The following NKAIN3 variants were observed in gnomAD, a reference collection of about 807,000 sequenced individuals.
The protein encoded by NKAIN3 is sodium/potassium transporting ATPase interacting 3, also known as sodium/potassium-transporting ATPase subunit beta-1-interacting protein 3.
Under a neutral mutation model 30.2 loss-of-function variants are expected in NKAIN3, and 25 were observed. The ratio of observed to expected loss-of-function variants is 0.83; its 90% CI spans 0.60 to 1.16. The LOEUF (loss-of-function observed/expected upper bound fraction) is 1.16. NKAIN3 is among the 50% of genes most tolerant of loss of function. NKAIN3 has a pLI of 0.00. For synonymous variants in NKAIN3, 91 were observed against 89.6 expected, an observed-to-expected ratio of 1.02 and a Z score of -0.09; for missense variants, 225 against 254.1, an observed-to-expected ratio of 0.89 and a Z score of 0.78.
chr8:62,321,275 C>G (rs891206611), intron 1 of NKAIN3, among the ~76,000 whole-genome samples: 11 of 152,152 alleles, frequency 7.2e-5, no homozygotes, highest in Non-Finnish European at 1.5e-4. Flanking sequence ...GCCATGGGTT[C>G]GAACTTCCTC....
chr8:62,448,136 C>A (rs1805540161), intron 1 of NKAIN3, among the ~76,000 whole-genome samples: 1 of 151,872 alleles, frequency 6.6e-6, no homozygotes. Flanking sequence ...ACTCTCTTTG[C>A]TCTGACATAT....
intron 3 of NKAIN3, among the ~76,000 whole-genome samples, chr8:62,625,244 A>G (rs1476034425): frequency 6.6e-6 from 1 of 152,126 alleles, no homozygotes; most frequent in Admixed American, 6.6e-5. Context: ...GCAGGGAAAG[A>G]TAATCATAGC....
chr8:62,693,170 G>T (rs1253725170), intron 3 of NKAIN3, among the ~76,000 whole-genome samples: 2 of 152,158 alleles, frequency 1.3e-5, no homozygotes, highest in African/African-American at 2.4e-5. Flanking sequence ...GCTTCAAATT[G>T]TGTAGGAAGG....
intron 1 of NKAIN3, among the ~76,000 whole-genome samples, chr8:62,373,949 C>T (rs908947239): frequency 6.6e-6 from 1 of 151,568 alleles, no homozygotes; most frequent in African/African-American, 2.4e-5. Context: ...CCCGTCTCTA[C>T]TAAAATACAA....
chr8:62,836,103 G>T (rs1182012078), intron 4 of NKAIN3, among the ~76,000 whole-genome samples: 1 of 151,922 alleles, frequency 6.6e-6, no homozygotes, highest in African/African-American at 2.4e-5. Flanking sequence ...ACCAAATATT[G>T]CATGTTCTCA....
chr8:62,787,712 A>C (rs909318055), intron 4 of NKAIN3, among the ~76,000 whole-genome samples: 1 of 151,898 alleles, frequency 6.6e-6, no homozygotes, highest in African/African-American at 2.4e-5. Context: ...CCGGTGTGTG[A>C]TGTTCCCCTT....
chr8:62,478,224 G>T (rs1291452573), intron 1 of NKAIN3, among the ~76,000 whole-genome samples: 3 of 152,136 alleles, frequency 2.0e-5, no homozygotes, highest in Admixed American at 6.5e-5. Context: ...TAATCAACTG[G>T]TAACTAGTAG....
chr8:62,889,010 A>C (rs1453359267), intron 4 of NKAIN3, among the ~76,000 whole-genome samples: 1 of 152,238 alleles, frequency 6.6e-6, no homozygotes, highest in Non-Finnish European at 1.5e-5. Flanking sequence ...GTGTGTCAGC[A>C]ATGGACTAGA....
At chr8:62,700,700 T>C (rs963996819) in intron 3 of NKAIN3, among the ~76,000 whole-genome samples, 1 of 152,230 alleles carries the variant, frequency 6.6e-6, no homozygotes, top group African/African-American at 2.4e-5. Context: ...ATTTACTCAG[T>C]TAAAAAAAGA....
chr8:62,388,603 A>T (rs1461437343), intron 1 of NKAIN3, among the ~76,000 whole-genome samples: 1 of 152,234 alleles, frequency 6.6e-6, no homozygotes, highest in Non-Finnish European at 1.5e-5. Flanking sequence ...GCTACTTTAG[A>T]CACTTGACAA....
chr8:62,637,588 G>A (rs1233623486), intron 3 of NKAIN3, among the ~76,000 whole-genome samples: 2 of 152,176 alleles, frequency 1.3e-5, no homozygotes, highest in Non-Finnish European at 2.9e-5. Context: ...TATTAGACGA[G>A]CCTAAATGGA....
intron 5 of NKAIN3, chr8:62,999,114 T>C (rs1804192818): frequency 1.3e-5 from 2 of 152,238 alleles, no homozygotes; most frequent in African/African-American, 4.8e-5. Context: ...TTTTGAATAG[T>C]AATCCCTTAT....
intron 1 of NKAIN3, among the ~76,000 whole-genome samples, chr8:62,266,139 A>G (rs913802317): frequency 6.6e-6 from 1 of 152,130 alleles, no homozygotes; most frequent in Admixed American, 6.6e-5. Context: ...ATAAGGGGAC[A>G]CCAAGCAAGG....
At chr8:62,401,703 T>C (rs991374384) in intron 1 of NKAIN3, among the ~76,000 whole-genome samples, 1 of 152,204 alleles carries the variant, frequency 6.6e-6, no homozygotes, top group African/African-American at 2.4e-5. Flanking sequence ...ACTGCCTTTG[T>C]GGTCTTGGAT....
intron 1 of NKAIN3, among the ~76,000 whole-genome samples, chr8:62,298,438 A>G (rs1813919022): frequency 6.6e-6 from 1 of 152,072 alleles, no homozygotes; most frequent in Admixed American, 6.6e-5. Context: ...AGGCCCCAGT[A>G]TCAACCCTAC....
At chr8:62,928,438 ACTC>A (rs1822515151) in intron 5 of NKAIN3, among the ~76,000 whole-genome samples, 1 of 152,038 alleles carries the variant, frequency 6.6e-6, no homozygotes, top group African/African-American at 2.4e-5. Flanking sequence ...CAACTACAAA[ACTC>A]CTACTGTTTC....
Position 62,918,821 on chromosome 8 carries a change from G to A in NKAIN3, c.532+308G>A, listed in dbSNP as rs151108504. On this transcript the variant is annotated intron_variant, in intron 5 of 6. Coordinates refer to ENST00000623646, the MANE Select transcript of NKAIN3 (RefSeq NM_001304533.3). The stretch of plus-strand genomic sequence containing the variant: ...CCATTATGCCGAGTAGACAGTCAGC[G>A]GTTGTTTTACCTATTACCAATTTTA... 9.1e-4 allele frequency among the ~76,000 whole-genome samples: 138 copies of A among 152,160 alleles called. 1 individual carries two copies. The Middle Eastern group carries it at 0.02, about 23-fold the overall frequency.
intron 1 of NKAIN3, among the ~76,000 whole-genome samples, chr8:62,410,874 AAAC>A (rs1267249531): frequency 6.6e-5 from 10 of 152,102 alleles, no homozygotes; most frequent in Middle Eastern, 3.2e-3. Flanking sequence ...AAAAAAAACA[AAAC>A]AACAACAACA....
intron 1 of NKAIN3, among the ~76,000 whole-genome samples, chr8:62,516,562 T>C (rs1807996920): frequency 6.6e-6 from 1 of 152,162 alleles, no homozygotes; most frequent in South Asian, 2.1e-4. Context: ...TGGTATTGTA[T>C]CAAATTTATA....
Sources: allele counts gnomAD v4.1 joint callset (sites outside exome capture counted in the v4.1 genomes callset), GRCh38; gene constraint gnomAD v4.1.1; transcripts MANE v1.5; gene names NCBI Gene and HGNC (gene_info 2026-07-23, HGNC 2026-07-21).